Variants in AUTS2 observed in about 807,000 individuals in gnomAD.
AUTS2 encodes the protein activator of transcription and developmental regulator AUTS2, also known as autism susceptibility gene 2 protein.
In AUTS2, 17 loss-of-function variants were observed where a neutral mutation model predicts 112.4. The observed-to-expected ratio is 0.15, with a 90% CI of 0.10 to 0.23. The LOEUF (loss-of-function observed/expected upper bound fraction) is 0.23, where lower values mean the gene tolerates loss of function less well. Among genes scored for constraint, AUTS2 ranks in the 10% least tolerant of loss-of-function variants. The probability of loss-of-function intolerance (pLI) is 1.00; values close to 1 mark genes in which losing one functional copy is unlikely to be tolerated. For synonymous variants in AUTS2, 751 were observed against 702.7 expected (o/e 1.07, Z -1.09); for missense variants, 1,510 against 1,701.6 (o/e 0.89, Z 1.98).
At chr7:70,321,680 A>G (rs571176798) in intron 4 of AUTS2, among the ~76,000 whole-genome samples, 16 of 152,272 alleles carry the variant, frequency 1.1e-4, no homozygotes, top group Admixed American at 3.9e-4. Context: ...TAGATGGGGG[A>G]AAAATGTAGT....
At chr7:70,348,576 G>A (rs544675360) in intron 4 of AUTS2, among the ~76,000 whole-genome samples, 4 of 152,190 alleles carry the variant, frequency 2.6e-5, no homozygotes, top group Middle Eastern at 3.4e-3. Context: ...AGGCCGAGGC[G>A]GGTGGATCAC....
chr7:69,748,988 A>G (rs1173874567), intron 1 of AUTS2, among the ~76,000 whole-genome samples: 1 of 152,160 alleles, frequency 6.6e-6, no homozygotes, highest in African/African-American at 2.4e-5. Flanking sequence ...TAGAAGGAGC[A>G]TGGACTTGGA....
intron 4 of AUTS2, among the ~76,000 whole-genome samples, chr7:70,188,785 T>C (rs1809733207): frequency 8.2e-6 from 1 of 121,420 alleles, no homozygotes; most frequent in Non-Finnish European, 1.8e-5. Flanking sequence ...TCTTTCTTTC[T>C]TTTTTTTTTT....
intron 1 of AUTS2, among the ~76,000 whole-genome samples, chr7:69,736,964 T>A (rs1255908974): frequency 2.0e-5 from 3 of 152,146 alleles, no homozygotes; most frequent in Non-Finnish European, 2.9e-5. Flanking sequence ...ATTTCACATT[T>A]AAAAAAATCC....
chr7:70,372,030 A>C (rs964616875), intron 4 of AUTS2, among the ~76,000 whole-genome samples: 1 of 152,204 alleles, frequency 6.6e-6, no homozygotes, highest in African/African-American at 2.4e-5. Flanking sequence ...ATGGGAACTA[A>C]AGTGCAATAC....
intron 6 of AUTS2, among the ~76,000 whole-genome samples, chr7:70,732,349 T>C (rs1787466235): frequency 6.6e-6 from 1 of 152,180 alleles, no homozygotes; most frequent in Non-Finnish European, 1.5e-5. Flanking sequence ...GAGGCTTCCA[T>C]GTCCTGAGCA....
intron 4 of AUTS2, among the ~76,000 whole-genome samples, chr7:70,239,883 G>T (rs17672640): frequency 0.1 from 15,476 of 152,200 alleles, 951 homozygotes; most frequent in Admixed American, 0.14. Context: ...AGAAAATTGA[G>T]TCCCACTCCT....
chr7:69,964,318 A>G (rs952233305), intron 2 of AUTS2, among the ~76,000 whole-genome samples: 10 of 152,184 alleles, frequency 6.6e-5, no homozygotes, highest in African/African-American at 2.2e-4. Flanking sequence ...GTCAGTTCGC[A>G]GCCTGGAAGG....
At chr7:70,425,603 G>A (rs951937912) in intron 4 of AUTS2, among the ~76,000 whole-genome samples, 1 of 152,210 alleles carries the variant, frequency 6.6e-6, no homozygotes. Context: ...ATCTTTGAGG[G>A]TCCTCAAGAA....
At chr7:70,003,733 TAA>T (rs1799365784) in intron 2 of AUTS2, among the ~76,000 whole-genome samples, 1 of 124,898 alleles carries the variant, frequency 8.0e-6, no homozygotes, top group Non-Finnish European at 1.6e-5. Flanking sequence ...TGAATATATA[TAA>T]TATATATGAA....
At chr7:70,665,775 A>G (rs920810935) in intron 5 of AUTS2, among the ~76,000 whole-genome samples, 1 of 152,180 alleles carries the variant, frequency 6.6e-6, no homozygotes, top group Non-Finnish European at 1.5e-5. Flanking sequence ...ACATATACAG[A>G]GGGCTGAATT....
At chr7:69,634,582 G>A (rs1194597515) in intron 1 of AUTS2, among the ~76,000 whole-genome samples, 1 of 152,144 alleles carries the variant, frequency 6.6e-6, no homozygotes, top group South Asian at 2.1e-4. Context: ...TTGTAGCCTT[G>A]AAGGAGAGGG....
intron 5 of AUTS2, among the ~76,000 whole-genome samples, chr7:70,587,118 C>T (rs1802723087): frequency 6.6e-6 from 1 of 152,090 alleles, no homozygotes; most frequent in South Asian, 2.1e-4. Context: ...CACTCTGTTA[C>T]CAGGCTGGAG....
intron 4 of AUTS2, among the ~76,000 whole-genome samples, chr7:70,424,722 G>A (rs1002116030): frequency 1.2e-4 from 18 of 152,078 alleles, no homozygotes; most frequent in Non-Finnish European, 2.4e-4. Context: ...AGGTAGCTGG[G>A]ACCACAGGCA....
At chr7:70,449,394 A>T (rs1796440370) in intron 5 of AUTS2, among the ~76,000 whole-genome samples, 2 of 152,214 alleles carry the variant, frequency 1.3e-5, no homozygotes, top group Admixed American at 1.3e-4. Context: ...GGGTTGGTGT[A>T]ACTTAAGCCA....
chr7:69,795,033 C>G (rs1789779537), intron 1 of AUTS2, among the ~76,000 whole-genome samples: 1 of 152,134 alleles, frequency 6.6e-6, no homozygotes, highest in Non-Finnish European at 1.5e-5. Flanking sequence ...TTTTAAATCT[C>G]ATTTTCCTTC....
chr7:70,470,919 TC>T (rs1372011812), intron 5 of AUTS2, among the ~76,000 whole-genome samples: 1 of 152,200 alleles, frequency 6.6e-6, no homozygotes, highest in African/African-American at 2.4e-5. Context: ...CCTGCGAACT[TC>T]CTGGATATCT....
chr7:70,447,354 G>C (rs959541173), intron 5 of AUTS2, among the ~76,000 whole-genome samples: 1 of 152,258 alleles, frequency 6.6e-6, no homozygotes, highest in African/African-American at 2.4e-5. Flanking sequence ...AATGGTAGCA[G>C]AAATAGCCTT....
chr7:70,536,825 A>G (rs532857840), intron 5 of AUTS2, among the ~76,000 whole-genome samples: 1 of 152,058 alleles, frequency 6.6e-6, no homozygotes, highest in Non-Finnish European at 1.5e-5. Flanking sequence ...GCTTGAACCC[A>G]GGAGGTGGAG....
Sources: gnomAD v4.1 joint callset for allele counts (sites outside exome capture counted in the v4.1 genomes callset) on GRCh38, gnomAD v4.1.1 for gene constraint, MANE v1.5 for transcripts, NCBI Gene and HGNC (gene_info 2026-07-23, HGNC 2026-07-21) for gene names.